The following PPM1L variants were observed in gnomAD, a reference collection of about 807,000 sequenced individuals.
The protein encoded by PPM1L is protein phosphatase, Mg2+/Mn2+ dependent 1L, also known as protein phosphatase 1L.
In PPM1L, 13 loss-of-function variants were observed where a neutral mutation model predicts 31.4. The ratio of observed to expected loss-of-function variants is 0.41; its 90% CI spans 0.27 to 0.66. The LOEUF is 0.66. Ranked by LOEUF, PPM1L falls within the 30% of genes least tolerant of loss-of-function variation. The probability of loss-of-function intolerance (pLI) is 0.29; values close to 1 mark genes in which losing one functional copy is unlikely to be tolerated. For synonymous variants in PPM1L, 184 were observed against 175.4 expected, an observed-to-expected ratio of 1.05 and a Z score of -0.39; for missense variants, 326 against 453.7, an observed-to-expected ratio of 0.72 and a Z score of 2.56.
chr3:160,845,902 G>A (rs1276298832), intron 1 of PPM1L, among the ~76,000 whole-genome samples: 2 of 151,758 alleles, frequency 1.3e-5, no homozygotes, highest in Non-Finnish European at 2.9e-5. Context: ...ATTTGAGAAG[G>A]GATCTTCCAC....
chr3:160,771,448 G>T (rs1002020505), intron 1 of PPM1L, among the ~76,000 whole-genome samples: 1 of 150,048 alleles, frequency 6.7e-6, no homozygotes, highest in African/African-American at 2.5e-5. Context: ...TCACCATGTT[G>T]CCTAGGCTGG....
In PPM1L at chr3:160,951,565, C is replaced by T. The variant is rs114514384; in HGVS notation, c.400-10171C>T. ...GTAAGTTATTTTTTATGTACAAAAA[C>T]ATCCATCTGCAATTAGGGAAGCCAT... On this transcript the variant is annotated intron_variant, in intron 1 of 3. Transcript: ENST00000498165. 4.4e-3 allele frequency among the ~76,000 whole-genome samples: 671 copies of T among 152,236 alleles called. 5 individuals are homozygous for T. Among genetic ancestry groups the T allele is most frequent in the African/African-American group, 0.015 (641 of 41,548 alleles).
chr3:160,929,293 A>G (rs191009657), intron 1 of PPM1L, among the ~76,000 whole-genome samples: 38 of 152,318 alleles, frequency 2.5e-4, no homozygotes, highest in Admixed American at 1.2e-3. Flanking sequence ...AATGACTTTT[A>G]GTTGGAAATT....
At chr3:160,893,805 G>C (rs1419596287) in intron 1 of PPM1L, among the ~76,000 whole-genome samples, 1 of 152,160 alleles carries the variant, frequency 6.6e-6, no homozygotes, top group Non-Finnish European at 1.5e-5. Context: ...CCTGACTTAT[G>C]ATGGTTCAAC....
chr3:160,825,610 A>G (rs1366278448), intron 1 of PPM1L, among the ~76,000 whole-genome samples: 1 of 152,168 alleles, frequency 6.6e-6, no homozygotes, highest in East Asian at 1.9e-4. Context: ...GGGCAACACT[A>G]TTAACTAATG....
chr3:161,034,980 AGGAACAGAAAAC>A (rs996659720), intron 2 of PPM1L, among the ~76,000 whole-genome samples: 8 of 152,054 alleles, frequency 5.3e-5, no homozygotes, highest in African/African-American at 1.2e-4. Flanking sequence ...AAACTAACAC[AGGAACAGAAAAC>A]CAAACACCAC....
chr3:160,963,534 A>C (rs778614037), intron 2 of PPM1L, among the ~76,000 whole-genome samples: 9 of 152,120 alleles, frequency 5.9e-5, no homozygotes, highest in African/African-American at 9.7e-5. Context: ...TCGCGTTATT[A>C]AAGTTAAGAT....
intron 1 of PPM1L, among the ~76,000 whole-genome samples, chr3:160,765,030 A>G (rs1283469347): frequency 1.3e-5 from 2 of 152,222 alleles, no homozygotes; most frequent in East Asian, 3.8e-4. Context: ...TATTGATGGT[A>G]ATAACAATTG....
At position 160,877,642 on chromosome 3, in the gene PPM1L, CGAGA is replaced by C. The variant is rs537836720; in HGVS notation, c.400-84088_400-84085del. On this transcript the variant is annotated intron_variant, in intron 1 of 3. Transcript: ENST00000498165. ...GAAAGGAGAACAGCTCTCTCTCCTACGAGAGAGAGGCTCCCAAGTGGGACTTCCG... is the reference window on the plus strand; with the variant it reads ...GAAAGGAGAACAGCTCTCTCTCCTACGAGAGGCTCCCAAGTGGGACTTCCG... Among the ~76,000 whole-genome samples the C allele has an allele frequency of 8.5e-4, 129 of 152,196 alleles. 1 individual carries two copies. The South Asian group carries it at 0.016, about 19-fold the overall frequency.
intron 2 of PPM1L, among the ~76,000 whole-genome samples, chr3:161,004,850 C>G (rs1252247744): frequency 6.6e-6 from 1 of 152,068 alleles, no homozygotes; most frequent in Non-Finnish European, 1.5e-5. Flanking sequence ...TTCAGTTCTG[C>G]TCTGATTTTA....
chr3:160,818,324 A>G (rs939925001), intron 1 of PPM1L, among the ~76,000 whole-genome samples: 1 of 152,066 alleles, frequency 6.6e-6, no homozygotes, highest in Non-Finnish European at 1.5e-5. Flanking sequence ...CATGGTTTCT[A>G]TGAAATTAGC....
intron 1 of PPM1L, among the ~76,000 whole-genome samples, chr3:160,768,358 A>T: frequency 6.6e-6 from 1 of 152,274 alleles, no homozygotes; most frequent in East Asian, 1.9e-4. Context: ...TCATCTCTGT[A>T]TGTGAACTAG....
At chr3:160,955,637 G>A in intron 1 of PPM1L, among the ~76,000 whole-genome samples, 1 of 149,276 alleles carries the variant, frequency 6.7e-6, no homozygotes, top group East Asian at 2.0e-4. Context: ...ATTAGAATTG[G>A]CTGGCTAACA....
chr3:160,900,522 T>C (rs1713503982), intron 1 of PPM1L, among the ~76,000 whole-genome samples: 1 of 152,172 alleles, frequency 6.6e-6, no homozygotes. Context: ...TTAACATGCT[T>C]TGATTTATCC....
intron 1 of PPM1L, among the ~76,000 whole-genome samples, chr3:160,889,937 A>G (rs1356467926): frequency 1.3e-5 from 2 of 152,240 alleles, no homozygotes; most frequent in Non-Finnish European, 1.5e-5. Flanking sequence ...AAAGGCCTTG[A>G]TAAAATTCAA....
chr3:160,872,223 G>A (rs982677414), intron 1 of PPM1L, among the ~76,000 whole-genome samples: 10 of 152,194 alleles, frequency 6.6e-5, no homozygotes, highest in Admixed American at 4.6e-4. Flanking sequence ...GAGGAGAAGG[G>A]TTTAGGGGGT....
At chr3:161,014,392 T>G (rs138389685) in intron 2 of PPM1L, among the ~76,000 whole-genome samples, 1 of 152,292 alleles carries the variant, frequency 6.6e-6, no homozygotes, top group East Asian at 1.9e-4. Context: ...TTAGTTGTTT[T>G]TATATCTCTA....
At chr3:161,019,025 A>C (rs892171925) in intron 2 of PPM1L, among the ~76,000 whole-genome samples, 5 of 152,224 alleles carry the variant, frequency 3.3e-5, no homozygotes, top group African/African-American at 1.2e-4. Context: ...ACTTCTATCT[A>C]TATTCAGCTG....
At chr3:160,983,188 A>G (rs1205425824) in intron 2 of PPM1L, among the ~76,000 whole-genome samples, 5 of 152,206 alleles carry the variant, frequency 3.3e-5, no homozygotes, top group African/African-American at 1.2e-4. Context: ...ATCACACCTG[A>G]AAGTGTTATG....
Sources: allele counts gnomAD v4.1 joint callset (sites outside exome capture counted in the v4.1 genomes callset), GRCh38; gene constraint gnomAD v4.1.1; transcripts MANE v1.5; gene names NCBI Gene and HGNC (gene_info 2026-07-23, HGNC 2026-07-21).